The following CYTH4 variants were observed in gnomAD, a reference collection of about 807,000 sequenced individuals.
CYTH4 encodes the protein cytohesin-4.
In CYTH4, 22 loss-of-function variants were observed where a neutral mutation model predicts 57.5. The ratio of observed to expected loss-of-function variants is 0.38; its 90% CI spans 0.27 to 0.55. The LOEUF (loss-of-function observed/expected upper bound fraction) is 0.55, where lower values mean the gene tolerates loss of function less well. Ranked by LOEUF, CYTH4 falls within the 20% of genes least tolerant of loss-of-function variation. The pLI is 0.74. For synonymous variants in CYTH4, 186 were observed against 206.5 expected (o/e 0.90, Z 0.85); for missense variants, 420 against 535.6 (o/e 0.78, Z 2.13).
chr22:37,297,545 T>G lies in CYTH4; in HGVS notation c.235-19T>G. 3.1e-6 allele frequency: 5 copies of G among 1,610,304 alleles called. No individual in the cohort carries two copies. On this transcript the variant is annotated intron_variant, in intron 4 of 12. Coordinates refer to ENST00000248901, the MANE Select transcript of CYTH4 (RefSeq NM_013385.5). ...CTTCCATGCAGCAGCTGCTCACGGC[T>G]TCTGTGTACCCCCTCCAGGGTATCC...
rs1929626340 is a variant in CYTH4 at position 37,311,147 on chromosome 22, T to TCA, written c.885+88_885+89dup. ...TCCCAACTCCCACTGAGCAGTCGAC[T>TCA]CACACAGCTTTGGATCCTTTGAGAT... On this transcript the variant is annotated intron_variant, in intron 10 of 12. Transcript: ENST00000248901. The surrounding 1 kb of genome is among the most constrained non-coding windows in gnomAD (Gnocchi z 4.4). 1 of 1,447,338 alleles carries TCA rather than the reference T, an allele frequency of 6.9e-7. No homozygotes were observed. The highest frequency in any genetic ancestry group is 9.7e-7 in the Non-Finnish European group (1 of 1,032,402). The allele number at this position is 1,447,338 out of a possible 1,614,324, so 89.7% of individuals were successfully genotyped here.
At chr22:37,307,512 C>T (rs1929445951) in intron 8 of CYTH4, among the ~76,000 whole-genome samples, 1 of 152,180 alleles carries the variant, frequency 6.6e-6, no homozygotes, top group Non-Finnish European at 1.5e-5. Flanking sequence ...CATAGCCCCA[C>T]AGCCAGATTG....
Position 37,292,626 on chromosome 22 carries a change from G to A in CYTH4, c.25G>A (p.Ala9Thr), listed in dbSNP as rs146584091. The change falls in exon 2 of 13, where the codon GCG becomes ACG. Residue 9 changes from alanine to threonine, a missense_variant. Coordinates refer to ENST00000248901, the MANE Select transcript of CYTH4 (RefSeq NM_013385.5). ...GGCCGGTTGTCTCTCTGTAGAGCCC[G>A]CGGAGCTGAGCAGCGGGGAGACGGA... MDLCHPEP[A>T]ELSSGETEEL... 306 of 1,613,812 alleles carry A rather than the reference G, an allele frequency of 1.9e-4. 1 individual carries two copies. The African/African-American group carries it at 2.2e-3, about 12-fold the overall frequency.
intron 5 of CYTH4, chr22:37,297,996 C>G (rs1168706724): frequency 8.5e-6 from 2 of 234,270 alleles, no homozygotes; most frequent in East Asian, 1.1e-4. Context: ...GTGGGAGAGA[C>G]AGGTCTCAAT....
intron 4 of CYTH4, among the ~76,000 whole-genome samples, chr22:37,297,221 A>T (rs1929007409): frequency 6.6e-6 from 1 of 152,194 alleles, no homozygotes; most frequent in African/African-American, 2.4e-5. Context: ...AGGGGAACAA[A>T]AGAAATGGCT....
intron 8 of CYTH4, among the ~76,000 whole-genome samples, 183 bp downstream of exon 8, chr22:37,303,585 A>G (rs1601707050): frequency 6.6e-6 from 1 of 152,014 alleles, no homozygotes; most frequent in African/African-American, 2.4e-5. Flanking sequence ...TGGTCCTGAA[A>G]CCCGCCTGCC....
Position 37,313,615 on chromosome 22 carries a change from C to A in CYTH4, c.*104C>A. ...CCAGTGCACTCTTTTGGGCCACAGACATCATTGCTGTTCCCCGTTACCTCG... is the reference window on the plus strand; with the variant it reads ...CCAGTGCACTCTTTTGGGCCACAGAAATCATTGCTGTTCCCCGTTACCTCG... On this transcript the variant is annotated 3_prime_UTR_variant, in exon 13 of 13. Coordinates refer to ENST00000248901, the MANE Select transcript of CYTH4 (RefSeq NM_013385.5). The A allele has an allele frequency of 9.5e-7, 1 of 1,051,848 alleles. No individual in the cohort carries two copies. Among genetic ancestry groups the A allele is most frequent in the Non-Finnish European group, 1.5e-6 (1 of 686,320 alleles). The allele number at this position is 1,051,848 out of a possible 1,614,324, so 65.2% of individuals were successfully genotyped here. A position where few individuals can be genotyped will look rare whatever the true frequency, so the allele number is the denominator to read the frequency against.
Position 37,304,548 on chromosome 22 carries a change from G to A in CYTH4, c.696+1146G>A, listed in dbSNP as rs556201996. Among the ~76,000 whole-genome samples, 72 of 152,280 alleles carry A rather than the reference G, an allele frequency of 4.7e-4. 2 individuals carry two copies. The highest frequency in any genetic ancestry group is 6.8e-3 in the Middle Eastern group (2 of 294). ...CCCAGCAGGGAGGGGCAGAGGGGGCGCGAACACCACGGTCCCAGCTCAGCA... is the reference window on the plus strand; with the variant it reads ...CCCAGCAGGGAGGGGCAGAGGGGGCACGAACACCACGGTCCCAGCTCAGCA... On this transcript the variant is annotated intron_variant, in intron 8 of 12. Coordinates refer to ENST00000248901, the MANE Select transcript of CYTH4 (RefSeq NM_013385.5).
At chr22:37,300,188 G>T in intron 6 of CYTH4, 1 of 717,416 alleles carries the variant, frequency 1.4e-6, no homozygotes, top group Non-Finnish European at 2.6e-6. Flanking sequence ...GGCTTTGGAG[G>T]GTGAGTAGGA....
chr22:37,289,740 T>A (rs955157629), intron 1 of CYTH4, among the ~76,000 whole-genome samples: 1 of 152,206 alleles, frequency 6.6e-6, no homozygotes, highest in Non-Finnish European at 1.5e-5. Context: ...TCTGAGCTAC[T>A]TAGTTACATG....
At chr22:37,294,813 G>GC in intron 3 of CYTH4, 89 bp downstream of exon 3, 2 of 1,482,714 alleles carry the variant, frequency 1.3e-6, no homozygotes, top group Non-Finnish European at 1.9e-6. Context: ...GCCACTCCCA[G>GC]CCCCCTGGAC....
intron 1 of CYTH4, among the ~76,000 whole-genome samples, chr22:37,287,487 T>C (rs1029094652): frequency 8.5e-5 from 13 of 152,088 alleles, no homozygotes; most frequent in Non-Finnish European, 1.8e-4. Flanking sequence ...CAAAACAGAA[T>C]CGGATTGTTC....
intron 1 of CYTH4, chr22:37,292,242 T>C (rs1928769779): frequency 5.2e-6 from 1 of 192,440 alleles, no homozygotes; most frequent in Non-Finnish European, 1.1e-5. Context: ...AATGCGTGCC[T>C]TCAGCGAGTG....
rs2051608 is a variant in CYTH4 at position 37,298,236 on chromosome 22, A to G, written c.353+554A>G. 98,596 of 154,304 alleles carry G rather than the reference A, an allele frequency of 0.64. 32,079 individuals carry two copies. The highest frequency in any genetic ancestry group is 0.8 in the South Asian group (4,425 of 5,552). 9.6% of individuals were successfully genotyped at this position (154,304 alleles called of 1,614,324 possible). A position where few individuals can be genotyped will look rare whatever the true frequency, so the allele number is the denominator to read the frequency against. On this transcript the variant is annotated intron_variant, in intron 5 of 12. Coordinates refer to ENST00000248901, the MANE Select transcript of CYTH4 (RefSeq NM_013385.5). The surrounding 1 kb of genome is among the most constrained non-coding windows in gnomAD (Gnocchi z 4.1). ...ACAAAAATTAGCCGGATGTGGTGGC[A>G]GGTGCCTGTAGTCCCAGTTACTCAG...
intron 1 of CYTH4, among the ~76,000 whole-genome samples, chr22:37,283,586 C>T (rs984155795): frequency 2.6e-5 from 4 of 151,982 alleles, no homozygotes; most frequent in East Asian, 1.9e-4. Context: ...ATGGAAGCCT[C>T]GGGCCCCAGG....
Position 37,311,597 on chromosome 22 carries a change from A to G in CYTH4, c.957+70A>G. The G allele has an allele frequency of 6.7e-7, 1 of 1,495,998 alleles. No individual in the cohort carries two copies. Among genetic ancestry groups the G allele is most frequent in the Non-Finnish European group, 9.3e-7 (1 of 1,077,116 alleles). 92.7% of individuals were successfully genotyped at this position (1,495,998 alleles called of 1,614,324 possible). On this transcript the variant is annotated intron_variant, in intron 11 of 12. Transcript: ENST00000248901. The surrounding 1 kb of genome is among the most constrained non-coding windows in gnomAD (Gnocchi z 4.4). ...AATTTCCTAAACAGAACGTGGGGAGAGGGCCTGAGGCTGGGCTCTCCAGGA... is the reference window on the plus strand; with the variant it reads ...AATTTCCTAAACAGAACGTGGGGAGGGGGCCTGAGGCTGGGCTCTCCAGGA...
At chr22:37,296,160 C>G (rs1158477069) in intron 4 of CYTH4, 95 bp downstream of exon 4, 6 of 1,284,958 alleles carry the variant, frequency 4.7e-6, no homozygotes, top group Non-Finnish European at 6.5e-6. Flanking sequence ...GACACGACCC[C>G]TTTCCAGAGG....
chr22:37,307,059 G>A (rs570581026), intron 8 of CYTH4, among the ~76,000 whole-genome samples: 36 of 152,332 alleles, frequency 2.4e-4, no homozygotes, highest in Non-Finnish European at 4.0e-4. Context: ...GAGGAGGTGG[G>A]GGTGGAGGGA....
chr22:37,291,409 G>A (rs745894809), intron 1 of CYTH4, among the ~76,000 whole-genome samples: 2 of 152,136 alleles, frequency 1.3e-5, no homozygotes, highest in Non-Finnish European at 1.5e-5. Flanking sequence ...TGTTCTTTTG[G>A]AGGAAATGAT....
Sources: gnomAD v4.1 joint callset for allele counts (sites outside exome capture counted in the v4.1 genomes callset) on GRCh38, gnomAD v4.1.1 for gene constraint, Gnocchi (gnomAD v3.1) non-coding constraint, MANE v1.5 for transcripts, NCBI Gene and HGNC (gene_info 2026-07-23, HGNC 2026-07-21) for gene names.